The following ANKRD39 variants were observed in gnomAD, a reference collection of about 807,000 sequenced individuals.
ANKRD39 encodes the protein ankyrin repeat domain 39, also known as ankyrin repeat domain-containing protein 39.
A neutral mutation model predicts 20.3 loss-of-function variants in ANKRD39; 18 were observed. That is an observed-to-expected ratio of 0.89 (90% CI 0.61 to 1.32). The LOEUF (loss-of-function observed/expected upper bound fraction) is 1.32. Ranked by LOEUF, ANKRD39 falls within the 40% of genes most tolerant of loss-of-function variation. ANKRD39 has a pLI of 0.00. For synonymous variants in ANKRD39, 106 were observed against 111.9 expected (o/e 0.95, Z 0.33); for missense variants, 243 against 250.7 (o/e 0.97, Z 0.21).
intron 3 of ANKRD39, among the ~76,000 whole-genome samples, chr2:96,849,718 T>G (rs891203652): frequency 3.3e-5 from 5 of 152,170 alleles, no homozygotes; most frequent in Non-Finnish European, 7.3e-5. Context: ...CTCGAGCTCC[T>G]GAACTCAAGC....
At chr2:96,851,621 C>T (rs1370837656) in intron 3 of ANKRD39, among the ~76,000 whole-genome samples, 1 of 152,138 alleles carries the variant, frequency 6.6e-6, no homozygotes. Context: ...GGACAAAGCC[C>T]CAGCTGTCTC....
intron 1 of ANKRD39, among the ~76,000 whole-genome samples, chr2:96,857,356 C>T (rs992983994): frequency 2.6e-5 from 4 of 152,218 alleles, no homozygotes; most frequent in Admixed American, 2.0e-4. Context: ...ATAATCTGGG[C>T]CAAACGTGTT....
chr2:96,849,697 C>G (rs1449535619), intron 3 of ANKRD39, among the ~76,000 whole-genome samples: 1 of 152,046 alleles, frequency 6.6e-6, no homozygotes, highest in African/African-American at 2.4e-5. Context: ...TGCCATGTTG[C>G]CCAGGCTGGT....
intron 1 of ANKRD39, 89 bp downstream of exon 1, chr2:96,857,799 G>A (rs1207419770): frequency 1.5e-5 from 20 of 1,374,528 alleles, no homozygotes; most frequent in Non-Finnish European, 2.0e-5. Context: ...AAGCTCTCGG[G>A]GCCCCGTTCA....
intron 2 of ANKRD39, among the ~76,000 whole-genome samples, 172 bp from the exon 3 acceptor site, chr2:96,853,776 C>T (rs535967275): frequency 9.0e-4 from 137 of 152,258 alleles, no homozygotes; most frequent in South Asian, 1.9e-3. Context: ...TGAGTTTGTT[C>T]AATTGAAAAA....
In ANKRD39 at chr2:96,853,279, G is replaced by C. The variant is rs1441941962; in HGVS notation, c.408+122C>G. On this transcript the variant is annotated intron_variant, in intron 3 of 3. Coordinates refer to ENST00000393537, the MANE Select transcript of ANKRD39 (RefSeq NM_016466.6). ...CTAAAGTGATGACAGGTGAGCAAGG[G>C]AATTACAAATGATTTTAACTGTCTT... The C allele has an allele frequency of 3.5e-5, 42 of 1,204,950 alleles. No individual in the cohort carries two copies. In the South Asian group the frequency reaches 6.1e-4, roughly 17 times the overall value. 74.6% of individuals were successfully genotyped at this position (1,204,950 alleles called of 1,614,324 possible).
chr2:96,854,921 G>A (rs1434517295), intron 1 of ANKRD39, among the ~76,000 whole-genome samples: 1 of 152,184 alleles, frequency 6.6e-6, no homozygotes, highest in Non-Finnish European at 1.5e-5. Context: ...ACCGTGCCCA[G>A]CCAGAAACAA....
intron 1 of ANKRD39, 22 bp downstream of exon 1, chr2:96,857,866 G>C: frequency 1.9e-6 from 3 of 1,553,346 alleles, no homozygotes; most frequent in Non-Finnish European, 2.6e-6. Context: ...TGAGAACCAC[G>C]AGGGCCGCGC....
intron 3 of ANKRD39, among the ~76,000 whole-genome samples, chr2:96,850,031 C>A (rs2079829254): frequency 1.3e-5 from 2 of 152,208 alleles, no homozygotes; most frequent in Non-Finnish European, 2.9e-5. Context: ...AAATGCCTTG[C>A]CCAAAGTCAC....
chr2:96,848,136 A>G lies in ANKRD39; in HGVS notation c.*165T>C. The stretch of plus-strand genomic sequence containing the variant: ...CATCTGTCCAGTCTTAAACACTTTT[A>G]GCCACACCAAATCTACTCCCTCGCT... On this transcript the variant is annotated 3_prime_UTR_variant, in exon 4 of 4. Coordinates refer to ENST00000393537, the MANE Select transcript of ANKRD39 (RefSeq NM_016466.6). 1 of 835,270 alleles carries G rather than the reference A, an allele frequency of 1.2e-6. No individual in the cohort carries two copies. Among genetic ancestry groups the G allele is most frequent in the Non-Finnish European group, 1.8e-6 (1 of 554,736 alleles). The allele number at this position is 835,270 out of a possible 1,614,324, so 51.7% of individuals were successfully genotyped here.
At chr2:96,853,823 A>G (rs1360895728) in intron 2 of ANKRD39, among the ~76,000 whole-genome samples, 2 of 152,230 alleles carry the variant, frequency 1.3e-5, no homozygotes, top group Non-Finnish European at 2.9e-5. Context: ...AAGAATTGTT[A>G]CGAAAATAAA....
chr2:96,850,643 C>CAACA (rs2079832119), intron 3 of ANKRD39, among the ~76,000 whole-genome samples: 1 of 148,832 alleles, frequency 6.7e-6, no homozygotes, highest in African/African-American at 2.5e-5. Context: ...CCAGCCTGGG[C>CAACA]AACAGAGCGA....
At position 96,854,227 on chromosome 2, in the gene ANKRD39, A is replaced by T. The variant is rs1353061955; in HGVS notation, c.204+111T>A. 3.5e-6 allele frequency: 4 copies of T among 1,129,858 alleles called. No individual in the cohort carries two copies. The African/African-American group carries it at 6.3e-5, about 18-fold the overall frequency. 70.0% of individuals were successfully genotyped at this position (1,129,858 alleles called of 1,614,324 possible). A position where few individuals can be genotyped will look rare whatever the true frequency, so the allele number is the denominator to read the frequency against. On this transcript the variant is annotated intron_variant, in intron 2 of 3. Coordinates refer to ENST00000393537, the MANE Select transcript of ANKRD39 (RefSeq NM_016466.6). ...AAAAAGAGAAATTTTGCTGGAAGAG[A>T]AGAAAGGGAGGGAGGAGGTAAAAGG...
In ANKRD39 at chr2:96,857,982, C is replaced by T; in HGVS notation, c.6G>A (p.Ala2=). 2 of 1,533,738 alleles carry T rather than the reference C, an allele frequency of 1.3e-6. No individual in the cohort carries two copies. Among genetic ancestry groups the T allele is most frequent in the South Asian group, 1.2e-5 (1 of 83,050 alleles). The change falls in exon 1 of 4, where the codon GCG becomes GCA. Residue 2 remains alanine (A), a synonymous_variant. Coordinates refer to ENST00000393537, the MANE Select transcript of ANKRD39 (RefSeq NM_016466.6). ...GCCCGTCCGCGCAGGGCCGAGGCGT[C>T]GCCATCCCGGCCCCGGCGTCAGTCG... M[A]TPRPCADGPC...
intron 1 of ANKRD39, among the ~76,000 whole-genome samples, chr2:96,855,925 A>G (rs1033450421): frequency 6.6e-6 from 1 of 152,124 alleles, no homozygotes; most frequent in Non-Finnish European, 1.5e-5. Context: ...GCTTGCAGTG[A>G]GCCGAGATTG....
intron 1 of ANKRD39, among the ~76,000 whole-genome samples, chr2:96,855,152 C>T (rs1213668978): frequency 6.6e-6 from 1 of 152,172 alleles, no homozygotes; most frequent in African/African-American, 2.4e-5. Context: ...CAAGTGGGAA[C>T]ACGCATGCCT....
At chr2:96,850,601 G>A (rs1310267237) in intron 3 of ANKRD39, among the ~76,000 whole-genome samples, 1 of 151,790 alleles carries the variant, frequency 6.6e-6, no homozygotes, top group Non-Finnish European at 1.5e-5. Context: ...GGAGGCAGAG[G>A]TTGCAGTGAG....
rs558160075 is a variant in ANKRD39 at position 96,854,408 on chromosome 2, C to G, written c.134G>C (p.Gly45Ala). 6.2e-7 allele frequency: 1 copy of G among 1,614,210 alleles called. No homozygotes were observed. Among genetic ancestry groups the G allele is most frequent in the Non-Finnish European group, 8.5e-7 (1 of 1,180,040 alleles). The part of the protein sequence containing the change: ...IWSAALNGDL[G>A]RVKHLIQKAE... ...CTTCTGGATTAAATGCTTCACTCGG[C>G]CCAGGTCTCCATTCAGGGCTGCCGA... The change falls in exon 2 of 4, where the codon GGC becomes GCC. Residue 45 changes from glycine (G) to alanine (A), a missense_variant. Gly to Ala is a moderately conservative substitution (Grantham distance 60). Transcript: ENST00000393537.
Position 96,857,898 on chromosome 2 carries a change from G to A in ANKRD39, c.90C>T (p.Asp30=), listed in dbSNP as rs138950031. ...LGVQQTLEEM[D]FERGIWSAAL... ...GCGCGGCAGCCTCACCCCTCTCGAAGTCCATCTCCTCCAGCGTCTGCTGTA... is the reference window on the plus strand; with the variant it reads ...GCGCGGCAGCCTCACCCCTCTCGAAATCCATCTCCTCCAGCGTCTGCTGTA... The change falls in exon 1 of 4, where the codon GAC becomes GAT. Residue 30 remains aspartate (D), a synonymous_variant. Transcript: ENST00000393537. The A allele has an allele frequency of 4.8e-4, 755 of 1,582,070 alleles. 4 individuals carry two copies. In the African/African-American group the frequency reaches 8.8e-3, roughly 19 times the overall value.
Sources: gnomAD v4.1 joint callset for allele counts (sites outside exome capture counted in the v4.1 genomes callset) on GRCh38, gnomAD v4.1.1 for gene constraint, MANE v1.5 for transcripts, NCBI Gene and HGNC (gene_info 2026-07-23, HGNC 2026-07-21) for gene names.